EPHA5: variants seen among roughly 807,000 people sequenced by gnomAD.
The protein encoded by EPHA5 is EPH receptor A5, also known as ephrin type-A receptor 5.
EPHA5 carries 60 observed loss-of-function variants against 105.0 expected under a neutral mutation model. That is an observed-to-expected ratio of 0.57 (90% CI 0.46 to 0.71). The LOEUF (loss-of-function observed/expected upper bound fraction) is 0.71, where lower values mean the gene tolerates loss of function less well. EPHA5 is among the 30% of genes least tolerant of loss of function. EPHA5 has a pLI of 0.00. For missense variants in EPHA5, 1,218 were observed against 1,274.7 expected, an observed-to-expected ratio of 0.96 and a Z score of 0.68; for synonymous variants, 513 against 449.1, an observed-to-expected ratio of 1.14 and a Z score of -1.80.
At chr4:65,568,705 A>G (rs538819708) in intron 3 of EPHA5, among the ~76,000 whole-genome samples, 7 of 151,120 alleles carry the variant, frequency 4.6e-5, no homozygotes, top group Non-Finnish European at 1.0e-4. Flanking sequence ...ATCAATAGAA[A>G]TAATATCTTA....
chr4:65,395,047 T>C (rs564429327), intron 8 of EPHA5, among the ~76,000 whole-genome samples: 23 of 152,294 alleles, frequency 1.5e-4, no homozygotes, highest in Admixed American at 9.8e-4. Flanking sequence ...AATATTTTAT[T>C]TGGCCCCAAA....
chr4:65,430,962 G>C (rs963306167), intron 5 of EPHA5, among the ~76,000 whole-genome samples: 2 of 152,154 alleles, frequency 1.3e-5, no homozygotes, highest in East Asian at 3.9e-4. Context: ...ATTCTGTGAC[G>C]TGTAATTGTA....
intron 2 of EPHA5, among the ~76,000 whole-genome samples, chr4:65,630,819 GA>G (rs1317425445): frequency 3.0e-4 from 46 of 152,258 alleles, no homozygotes; most frequent in African/African-American, 1.1e-3. Flanking sequence ...TACATTAAAT[GA>G]AACCAATTGA....
chr4:65,539,690 GAA>G (rs757237392), intron 3 of EPHA5, among the ~76,000 whole-genome samples: 2 of 151,630 alleles, frequency 1.3e-5, no homozygotes, highest in African/African-American at 4.8e-5. Context: ...CATTAGGCAT[GAA>G]AAAAGTTTCT....
intron 5 of EPHA5, among the ~76,000 whole-genome samples, chr4:65,450,794 C>T (rs1010267149): frequency 6.6e-6 from 1 of 152,050 alleles, no homozygotes; most frequent in Non-Finnish European, 1.5e-5. Context: ...AATCTAATCC[C>T]AGAACAAAGT....
chr4:65,372,787 T>A (rs758664737), intron 8 of EPHA5, among the ~76,000 whole-genome samples: 1 of 151,944 alleles, frequency 6.6e-6, no homozygotes, highest in East Asian at 1.9e-4. Context: ...TATCACTTTG[T>A]ATCTTCATAT....
intron 12 of EPHA5, among the ~76,000 whole-genome samples, chr4:65,352,383 C>A (rs1722898334): frequency 6.6e-6 from 1 of 151,996 alleles, no homozygotes; most frequent in Non-Finnish European, 1.5e-5. Context: ...TTACAAACTG[C>A]CAGCCTATAT....
intron 14 of EPHA5, 65 bp from the exon 15 acceptor site, chr4:65,336,190 A>C: frequency 2.3e-6 from 3 of 1,331,760 alleles, no homozygotes; most frequent in Non-Finnish European, 3.0e-6. Context: ...AGCTTTAAAA[A>C]TGTCCCACTG....
intron 8 of EPHA5, among the ~76,000 whole-genome samples, chr4:65,383,881 G>C (rs185948541): frequency 6.6e-6 from 1 of 151,818 alleles, no homozygotes; most frequent in Non-Finnish European, 1.5e-5. Context: ...TATGAATCAC[G>C]TAAGCCATAT....
intron 3 of EPHA5, among the ~76,000 whole-genome samples, chr4:65,554,271 T>A (rs1199674959): frequency 6.7e-6 from 1 of 149,054 alleles, no homozygotes; most frequent in East Asian, 1.9e-4. Flanking sequence ...ATGTTATATA[T>A]AATTAAAATA....
At chr4:65,368,433 C>T (rs1165513057) in intron 8 of EPHA5, among the ~76,000 whole-genome samples, 1 of 152,116 alleles carries the variant, frequency 6.6e-6, no homozygotes, top group Non-Finnish European at 1.5e-5. Flanking sequence ...CTGTTAATAA[C>T]TCCAGTATGG....
chr4:65,574,232 T>C (rs1740554749), intron 3 of EPHA5: 6 of 1,601,982 alleles, frequency 3.7e-6, no homozygotes, highest in Non-Finnish European at 5.1e-6. Flanking sequence ...ACTCACAAAT[T>C]TTATCAAAAA....
intron 4 of EPHA5, among the ~76,000 whole-genome samples, chr4:65,493,476 A>G (rs1731618769): frequency 6.6e-6 from 1 of 152,226 alleles, no homozygotes. Flanking sequence ...TCATCTGAAC[A>G]TCTATCAGGC....
At chr4:65,348,655 T>TGG (rs1722447758) in intron 13 of EPHA5, among the ~76,000 whole-genome samples, 8 of 45,622 alleles carry the variant, frequency 1.8e-4, no homozygotes, top group African/African-American at 5.5e-4. Flanking sequence ...GCATAAACAT[T>TGG]GGAGATATAT....
At chr4:65,600,457 T>C (rs1297700950) in intron 3 of EPHA5, among the ~76,000 whole-genome samples, 1 of 152,118 alleles carries the variant, frequency 6.6e-6, no homozygotes, top group Non-Finnish European at 1.5e-5. Context: ...AAAAGGAATT[T>C]CAAGTAAAGT....
chr4:65,378,038 T>C (rs1381332068), intron 8 of EPHA5, among the ~76,000 whole-genome samples: 2 of 151,848 alleles, frequency 1.3e-5, no homozygotes. Context: ...TCAAAAAAAG[T>C]AAACAAAACA....
chr4:65,507,542 T>A (rs186032584), intron 3 of EPHA5, among the ~76,000 whole-genome samples: 1 of 152,174 alleles, frequency 6.6e-6, no homozygotes, highest in African/African-American at 2.4e-5. Context: ...TTTTATTTCA[T>A]TGAGCAGTGG....
chr4:65,409,238 C>T (rs1722677365), intron 7 of EPHA5, among the ~76,000 whole-genome samples: 1 of 127,952 alleles, frequency 7.8e-6, no homozygotes. Context: ...ATACCTAATG[C>T]TAGATGACGA....
chr4:65,400,346 T>C (rs537089191), intron 8 of EPHA5, among the ~76,000 whole-genome samples: 119 of 152,296 alleles, frequency 7.8e-4, no homozygotes, highest in Admixed American at 1.9e-3. Flanking sequence ...GTGGAAGGCA[T>C]ATCAATTGTT....
Sources: allele counts gnomAD v4.1 joint callset (sites outside exome capture counted in the v4.1 genomes callset), GRCh38; gene constraint gnomAD v4.1.1; transcripts MANE v1.5; gene names NCBI Gene and HGNC (gene_info 2026-07-23, HGNC 2026-07-21).